The following DLGAP1 variants were observed in gnomAD, a reference collection of about 807,000 sequenced individuals.
DLGAP1 encodes the protein DLG associated protein 1.
DLGAP1 carries 11 observed loss-of-function variants against 90.8 expected under a neutral mutation model. That is an observed-to-expected ratio of 0.12 (90% confidence interval 0.08 to 0.20). The LOEUF (loss-of-function observed/expected upper bound fraction) is 0.20. Among genes scored for constraint, DLGAP1 ranks in the 10% least tolerant of loss-of-function variants. DLGAP1 has a pLI of 1.00. For synonymous variants in DLGAP1, 558 were observed against 540.7 expected (o/e 1.03, Z -0.44); for missense variants, 1,050 against 1,333.8 (o/e 0.79, Z 3.31).
At chr18:4,024,357 G>A (rs1029083843) in intron 2 of DLGAP1, among the ~76,000 whole-genome samples, 1 of 152,052 alleles carries the variant, frequency 6.6e-6, no homozygotes, top group Non-Finnish European at 1.5e-5. Flanking sequence ...CCACTTTCCC[G>A]GTGAGGCCTA....
At chr18:4,269,703 G>A (rs1232554837) in intron 1 of DLGAP1, among the ~76,000 whole-genome samples, 2 of 151,258 alleles carry the variant, frequency 1.3e-5, no homozygotes, top group African/African-American at 4.9e-5. Context: ...CCATTTGAAA[G>A]GGCCATTGAC....
chr18:3,990,333 G>A (rs2073937284), intron 3 of DLGAP1, among the ~76,000 whole-genome samples: 1 of 151,986 alleles, frequency 6.6e-6, no homozygotes, highest in African/African-American at 2.4e-5. Context: ...GTCCTTTGCA[G>A]GGACATGGAT....
At chr18:4,083,786 T>C (rs1403767988) in intron 2 of DLGAP1, among the ~76,000 whole-genome samples, 1 of 152,070 alleles carries the variant, frequency 6.6e-6, no homozygotes, top group Non-Finnish European at 1.5e-5. Context: ...TCTGACCCCA[T>C]GGTAGCATCT....
intron 10 of DLGAP1, among the ~76,000 whole-genome samples, chr18:3,523,622 C>A (rs551475639): frequency 2.6e-5 from 4 of 151,594 alleles, no homozygotes; most frequent in Admixed American, 1.3e-4. Context: ...CCAAGGAGGG[C>A]GGATCACGAG....
At chr18:3,818,094 AG>A (rs2067194017) in intron 4 of DLGAP1, among the ~76,000 whole-genome samples, 1 of 152,234 alleles carries the variant, frequency 6.6e-6, no homozygotes, top group South Asian at 2.1e-4. Context: ...TAGATTTTAT[AG>A]TAGTTATGGA....
At chr18:3,552,367 G>A (rs920196519) in intron 9 of DLGAP1, among the ~76,000 whole-genome samples, 2 of 152,170 alleles carry the variant, frequency 1.3e-5, no homozygotes, top group African/African-American at 2.4e-5. Context: ...ACCCAGCTTA[G>A]AAGTCTATGC....
chr18:4,428,407 C>A (rs6506202), intron 1 of DLGAP1, among the ~76,000 whole-genome samples: 9,160 of 152,208 alleles, frequency 0.06, 884 homozygotes, highest in African/African-American at 0.21. Context: ...CACGGCAAAA[C>A]CCCGTCTCTA....
At chr18:3,575,065 A>C (rs2055043405) in intron 8 of DLGAP1, among the ~76,000 whole-genome samples, 1 of 151,940 alleles carries the variant, frequency 6.6e-6, no homozygotes, top group South Asian at 2.1e-4. Context: ...CTGCCCACCT[A>C]GGCCTCCCAA....
chr18:4,049,777 T>C (rs950308382), intron 2 of DLGAP1, among the ~76,000 whole-genome samples: 1 of 152,130 alleles, frequency 6.6e-6, no homozygotes, highest in African/African-American at 2.4e-5. Context: ...CCCTTGACTA[T>C]CATCATAATT....
chr18:3,564,381 G>A (rs1277172514), intron 9 of DLGAP1, among the ~76,000 whole-genome samples: 1 of 152,148 alleles, frequency 6.6e-6, no homozygotes, highest in Non-Finnish European at 1.5e-5. Context: ...CCCCCATGTG[G>A]AAGGCTAGAG....
Position 3,499,372 on chromosome 18 carries a change from A to G in DLGAP1, c.2747T>C (p.Val916Ala), listed in dbSNP as rs2143548306. 1 of 1,550,632 alleles carries G rather than the reference A, an allele frequency of 6.4e-7. No homozygotes were observed. Among genetic ancestry groups the G allele is most frequent in the East Asian group, 2.4e-5 (1 of 41,046 alleles). ...GGGGCCCTTCGCCGGCTTCTTTGGC[A>G]CTGGAGGAGGGGCCCTTCTCTCCTG... ...DKKERRAPPP[V>A]PKKPAKGPAP... is the part of the protein sequence containing the mutation. The change falls in exon 13 of 13, where the codon GTG (valine) becomes GCG (alanine). Residue 916 changes from valine (V) to alanine (A), a missense_variant. By Grantham distance (64) the Val-to-Ala change is moderately conservative. Coordinates refer to ENST00000315677, the MANE Select transcript of DLGAP1 (RefSeq NM_004746.4). This position sits in a 1 kb window ranked among gnomAD's most constrained non-coding sequence, Gnocchi z 6.4.
At chr18:4,264,113 T>A (rs1243180212) in intron 1 of DLGAP1, among the ~76,000 whole-genome samples, 3 of 152,236 alleles carry the variant, frequency 2.0e-5, no homozygotes, top group African/African-American at 7.2e-5. Context: ...GGAAAATTCA[T>A]AAAGTCCATC....
chr18:3,569,229 T>C (rs1259884671), intron 8 of DLGAP1, among the ~76,000 whole-genome samples: 2 of 151,776 alleles, frequency 1.3e-5, no homozygotes, highest in Admixed American at 6.6e-5. Context: ...CTCGAACTCC[T>C]GACCTCGTGA....
intron 7 of DLGAP1, chr18:3,654,125 A>G (rs1433489436): frequency 2.6e-5 from 4 of 152,222 alleles, no homozygotes; most frequent in South Asian, 2.1e-4. Context: ...CTCAGACAAT[A>G]AGCTGCCCAA....
intron 4 of DLGAP1, chr18:3,874,438 C>T: frequency 7.0e-7 from 1 of 1,436,250 alleles, no homozygotes; most frequent in Non-Finnish European, 9.1e-7. Flanking sequence ...TAAAATCTTG[C>T]TCTTCTGAAT....
chr18:4,424,746 T>G (rs1161643316), intron 1 of DLGAP1, among the ~76,000 whole-genome samples: 2 of 152,136 alleles, frequency 1.3e-5, no homozygotes, highest in Non-Finnish European at 2.9e-5. Context: ...AAGTACTTAT[T>G]TCTTAGTCAT....
At chr18:4,220,195 T>C (rs2078045420) in intron 1 of DLGAP1, among the ~76,000 whole-genome samples, 1 of 152,156 alleles carries the variant, frequency 6.6e-6, no homozygotes, top group Non-Finnish European at 1.5e-5. Flanking sequence ...CCTCCTTGGG[T>C]AAATTTACCC....
intron 8 of DLGAP1, among the ~76,000 whole-genome samples, chr18:3,573,670 G>A (rs1322154064): frequency 6.6e-6 from 1 of 151,212 alleles, no homozygotes. Flanking sequence ...TTTATTCTAT[G>A]GTTATAAGAT....
At chr18:4,416,208 T>C (rs1046043471) in intron 1 of DLGAP1, among the ~76,000 whole-genome samples, 4 of 152,158 alleles carry the variant, frequency 2.6e-5, no homozygotes, top group Non-Finnish European at 4.4e-5. Flanking sequence ...CACTTCATCA[T>C]ACAATATTAT....
Sources: allele counts gnomAD v4.1 joint callset (sites outside exome capture counted in the v4.1 genomes callset), GRCh38; gene constraint gnomAD v4.1.1; non-coding constraint Gnocchi (gnomAD v3.1); transcripts MANE v1.5; gene names NCBI Gene and HGNC (gene_info 2026-07-23, HGNC 2026-07-21).